PCDHA4: variants seen among roughly 807,000 people sequenced by gnomAD.
PCDHA4 encodes protocadherin alpha-4.
Under a neutral mutation model 61.4 loss-of-function variants are expected in PCDHA4, and 49 were observed. The observed-to-expected ratio is 0.80, with a 90% CI of 0.63 to 1.01. The LOEUF is 1.01. Among genes scored for constraint, PCDHA4 ranks in the 50% least tolerant of loss-of-function variants. The pLI is 0.00. For synonymous variants in PCDHA4, 590 were observed against 550.3 expected, an observed-to-expected ratio of 1.07 and a Z score of -1.01; for missense variants, 1,254 against 1,235.8, an observed-to-expected ratio of 1.01 and a Z score of -0.22.
chr5:140,824,612 T>TTTG (rs1562279387), intron 1 of PCDHA4: 3 of 117,268 alleles, frequency 2.6e-5, no homozygotes, highest in African/African-American at 7.9e-5. Context: ...TAATTAAAGT[T>TTTG]TTTTTTTTTT....
At chr5:140,831,815 T>A (rs1475150566) in intron 1 of PCDHA4, among the ~76,000 whole-genome samples, 1 of 152,196 alleles carries the variant, frequency 6.6e-6, no homozygotes, top group Non-Finnish European at 1.5e-5. Context: ...AAAGTTGGAA[T>A]GATAAACACT....
chr5:140,821,872 T>C, intron 1 of PCDHA4: 1 of 1,614,172 alleles, frequency 6.2e-7, no homozygotes, highest in South Asian at 1.1e-5. Context: ...GCTCCACTAC[T>C]CGATCCCGGA....
At chr5:140,960,923 G>A (rs1478943565) in intron 1 of PCDHA4, among the ~76,000 whole-genome samples, 1 of 152,168 alleles carries the variant, frequency 6.6e-6, no homozygotes, top group African/African-American at 2.4e-5. Context: ...TAGAAAATTG[G>A]TACTAAGTTT....
chr5:140,863,521 G>T, intron 1 of PCDHA4: 1 of 397,734 alleles, frequency 2.5e-6, no homozygotes, highest in Non-Finnish European at 4.9e-6. Context: ...GTTCTCCCAT[G>T]GTTCAGATTT....
chr5:140,819,544 C>T (rs1389575775), intron 1 of PCDHA4, among the ~76,000 whole-genome samples: 2 of 152,036 alleles, frequency 1.3e-5, no homozygotes, highest in Non-Finnish European at 2.9e-5. Flanking sequence ...TAATCTGTAA[C>T]ATTTGATTGA....
At chr5:140,852,691 T>C (rs1027871378) in intron 1 of PCDHA4, 4 of 974,686 alleles carry the variant, frequency 4.1e-6, no homozygotes, top group East Asian at 1.1e-4. Context: ...TATAGTCTTA[T>C]ACTTTCAAGT....
chr5:140,850,234 T>A lies in PCDHA4; in HGVS notation c.2385+40662T>A, dbSNP rs2150474836. The A allele has an allele frequency of 8.5e-5, 136 of 1,593,694 alleles. 18 individuals carry two copies. Among genetic ancestry groups the A allele is most frequent in the Non-Finnish European group, 1.1e-4 (134 of 1,167,462 alleles). Reference sequence around the variant, plus strand: ...GGCACTGACGGCGCAGTGAGCGAGATGGTGCTGCGGTCGGTGGGCGCCGGC... The same window carrying A: ...GGCACTGACGGCGCAGTGAGCGAGAAGGTGCTGCGGTCGGTGGGCGCCGGC... On this transcript the variant is annotated intron_variant, in intron 1 of 3. Coordinates refer to ENST00000530339, the MANE Select transcript of PCDHA4 (RefSeq NM_018907.4).
At chr5:140,859,390 C>G (rs911308831) in intron 1 of PCDHA4, 1 of 268,000 alleles carries the variant, frequency 3.7e-6, no homozygotes, top group Non-Finnish European at 6.7e-6. Flanking sequence ...CTCTAGTCAT[C>G]TTAAACAGGG....
At chr5:140,926,859 G>A in intron 1 of PCDHA4, 1 of 1,521,332 alleles carries the variant, frequency 6.6e-7, no homozygotes, top group Non-Finnish European at 8.8e-7. Context: ...CGTTGGTGTA[G>A]CGTGTTGGTG....
At chr5:140,838,415 C>T (rs950312767) in intron 1 of PCDHA4, among the ~76,000 whole-genome samples, 1 of 151,548 alleles carries the variant, frequency 6.6e-6, no homozygotes, top group African/African-American at 2.4e-5. Flanking sequence ...TGAGCCACCG[C>T]ATCCGGCCTA....
chr5:140,985,554 A>G (rs1563525071), intron 3 of PCDHA4, among the ~76,000 whole-genome samples: 1 of 152,114 alleles, frequency 6.6e-6, no homozygotes, highest in Non-Finnish European at 1.5e-5. Flanking sequence ...GTTGCTTCCA[A>G]AAGGCTTCTT....
intron 1 of PCDHA4, among the ~76,000 whole-genome samples, chr5:140,944,043 T>C (rs2093600641): frequency 6.6e-6 from 1 of 152,080 alleles, no homozygotes; most frequent in African/African-American, 2.4e-5. Flanking sequence ...GAAAACCAGA[T>C]TGGGATACAA....
At chr5:140,975,486 A>G (rs1260336572) in intron 1 of PCDHA4, among the ~76,000 whole-genome samples, 4 of 152,228 alleles carry the variant, frequency 2.6e-5, no homozygotes, top group African/African-American at 4.8e-5. Flanking sequence ...GTTTATATCA[A>G]TGTTCATAAA....
chr5:140,841,156 C>T (rs1399343439), intron 1 of PCDHA4: 2 of 850,602 alleles, frequency 2.4e-6, no homozygotes, highest in East Asian at 2.7e-5. Context: ...CGCTGTCTAC[C>T]AAGAAGTTCT....
At position 140,808,888 on chromosome 5, in the gene PCDHA4, G is replaced by T. The variant is rs556570330; in HGVS notation, c.1701G>T (p.Ala567=). The change falls in exon 1 of 4, where the codon GCG becomes GCT. Residue 567 remains alanine, a synonymous_variant. Coordinates refer to ENST00000530339, the MANE Select transcript of PCDHA4 (RefSeq NM_018907.4). ...ACGACAACGCGCCAGCACTGCTAGC[G>T]CCTCGGGCGGGTGGCACTGGTGGCG... is the stretch of plus-strand genomic sequence containing the variant. The part of the protein sequence containing the change: ...DENDNAPALL[A]PRAGGTGGAV... 13 of 1,613,250 alleles carry T rather than the reference G, an allele frequency of 8.1e-6. No homozygotes were observed. The highest frequency in any genetic ancestry group is 1.1e-5 in the Non-Finnish European group (13 of 1,179,874).
intron 1 of PCDHA4, chr5:140,871,176 G>T: frequency 6.2e-7 from 1 of 1,613,534 alleles, no homozygotes; most frequent in African/African-American, 1.3e-5. Context: ...CAGAGGCTGC[G>T]CTGGTGGATG....
chr5:140,826,656 C>T (rs1769003622), intron 1 of PCDHA4, among the ~76,000 whole-genome samples: 1 of 151,930 alleles, frequency 6.6e-6, no homozygotes, highest in East Asian at 1.9e-4. Context: ...AACATTTTTG[C>T]AAGTAAATTG....
At chr5:140,995,570 A>G (rs186345842) in intron 3 of PCDHA4, among the ~76,000 whole-genome samples, 1 of 152,210 alleles carries the variant, frequency 6.6e-6, no homozygotes, top group African/African-American at 2.4e-5. Flanking sequence ...ATATGTCAAG[A>G]TGAGCTATGA....
chr5:141,001,488 ATGCTAGCCCAGGT>A (rs1261759985), intron 3 of PCDHA4, among the ~76,000 whole-genome samples: 3 of 152,210 alleles, frequency 2.0e-5, no homozygotes, highest in Non-Finnish European at 4.4e-5. Flanking sequence ...AGTGCTGGAA[ATGCTAGCCCAGGT>A]GGGCTTAGCT....
Sources: gnomAD v4.1 joint callset for allele counts (sites outside exome capture counted in the v4.1 genomes callset) on GRCh38, gnomAD v4.1.1 for gene constraint, MANE v1.5 for transcripts, NCBI Gene and HGNC (gene_info 2026-07-23, HGNC 2026-07-21) for gene names.